The following ANKS1B variants were observed in gnomAD, a reference collection of about 807,000 sequenced individuals.
ANKS1B encodes the protein ankyrin repeat and sterile alpha motif domain containing 1B, also known as ankyrin repeat and sterile alpha motif domain-containing protein 1B.
In ANKS1B, 36 loss-of-function variants were observed where a neutral mutation model predicts 148.3. The observed-to-expected ratio is 0.24, with a 90% confidence interval of 0.19 to 0.32. The LOEUF (loss-of-function observed/expected upper bound fraction) is 0.32, where lower values mean the gene tolerates loss of function less well. Among genes scored for constraint, ANKS1B ranks in the 10% least tolerant of loss-of-function variants. The pLI is 1.00. For missense variants in ANKS1B, 1,157 were observed against 1,542.6 expected, an observed-to-expected ratio of 0.75 and a Z score of 4.19; for synonymous variants, 542 against 560.8, an observed-to-expected ratio of 0.97 and a Z score of 0.47.
intron 14 of ANKS1B, among the ~76,000 whole-genome samples, chr12:99,240,437 G>C (rs1412216688): frequency 6.6e-6 from 1 of 152,140 alleles, no homozygotes; most frequent in Non-Finnish European, 1.5e-5. Context: ...CCGACAAAGA[G>C]ACATAGACTC....
Position 99,232,643 on chromosome 12 carries a change from G to A in ANKS1B, c.2419+11699C>T, listed in dbSNP as rs2087071996. The stretch of plus-strand genomic sequence containing the variant: ...ATTTGAAGTAGTTCCAGTGAAGGTG[G>A]TAAATTTCCTAACTTGAAAGCACTT... On this transcript the variant is annotated intron_variant, in intron 14 of 26. Transcript: ENST00000683438. Among the ~76,000 whole-genome samples, 5 of 152,164 alleles carry A rather than the reference G, an allele frequency of 3.3e-5. No individual in the cohort carries two copies. The South Asian group carries it at 8.3e-4, about 25-fold the overall frequency.
Position 99,405,478 on chromosome 12 carries a change from A to G in ANKS1B, c.1576-5667T>C, listed in dbSNP as rs189159784. 9.3e-4 allele frequency among the ~76,000 whole-genome samples: 136 copies of G among 145,940 alleles called. 12 individuals carry two copies. Among genetic ancestry groups the G allele is most frequent in the Admixed American group, 4.8e-3 (70 of 14,678 alleles). On this transcript the variant is annotated intron_variant, in intron 11 of 26. Transcript: ENST00000683438. ...AGTGTTAAGTTGCCATCAGTTTAAA[A>G]TAATGGATTATAAAAAATTATTTGC...
chr12:99,376,088 T>C (rs73151129), intron 12 of ANKS1B, among the ~76,000 whole-genome samples: 1 of 152,190 alleles, frequency 6.6e-6, no homozygotes. Flanking sequence ...AACCATTCGC[T>C]GTTCAAAAAT....
At chr12:99,195,146 A>C (rs2081239845) in intron 14 of ANKS1B, among the ~76,000 whole-genome samples, 1 of 152,152 alleles carries the variant, frequency 6.6e-6, no homozygotes, top group African/African-American at 2.4e-5. Context: ...TTGGTTTCCT[A>C]GTTAGCTATG....
At chr12:99,037,128 T>G (rs2099956041) in intron 17 of ANKS1B, among the ~76,000 whole-genome samples, 1 of 152,222 alleles carries the variant, frequency 6.6e-6, no homozygotes, top group Admixed American at 6.5e-5. Context: ...TCAAAATGTC[T>G]CTGCAGTTTA....
intron 11 of ANKS1B, among the ~76,000 whole-genome samples, chr12:99,428,042 G>T (rs887443537): frequency 5.9e-5 from 9 of 152,126 alleles, no homozygotes. Context: ...CATGAAGGTA[G>T]GAAATCCTAA....
chr12:99,185,226 T>C (rs2079660400), intron 14 of ANKS1B, among the ~76,000 whole-genome samples: 1 of 152,114 alleles, frequency 6.6e-6, no homozygotes, highest in Non-Finnish European at 1.5e-5. Context: ...TTTAAAAATA[T>C]GTGTAAGAAA....
At chr12:98,854,678 C>A (rs1228405705) in intron 17 of ANKS1B, among the ~76,000 whole-genome samples, 1 of 152,262 alleles carries the variant, frequency 6.6e-6, no homozygotes, top group East Asian at 1.9e-4. Context: ...CTTTTAGGTG[C>A]CAGGAACGTA....
At chr12:98,769,221 A>G (rs2098536008) in intron 25 of ANKS1B, among the ~76,000 whole-genome samples, 1 of 100,730 alleles carries the variant, frequency 9.9e-6, no homozygotes, top group Non-Finnish European at 1.8e-5. Flanking sequence ...CAGGGGACTG[A>G]TTCATATCAA....
At chr12:99,264,859 T>G (rs2076283621) in intron 12 of ANKS1B, among the ~76,000 whole-genome samples, 2 of 152,110 alleles carry the variant, frequency 1.3e-5, no homozygotes, top group East Asian at 1.9e-4. Flanking sequence ...ATTGCACAAC[T>G]CTAGGGTCCT....
At chr12:99,286,530 G>C (rs1460405796) in intron 12 of ANKS1B, among the ~76,000 whole-genome samples, 1 of 152,128 alleles carries the variant, frequency 6.6e-6, no homozygotes, top group African/African-American at 2.4e-5. Context: ...GGAGAGGGAA[G>C]AGTAAAGGGG....
intron 1 of ANKS1B, among the ~76,000 whole-genome samples, chr12:99,914,593 G>A (rs2094111969): frequency 6.6e-6 from 1 of 152,060 alleles, no homozygotes; most frequent in Non-Finnish European, 1.5e-5. Context: ...ATACTATACT[G>A]AAATCAGGCC....
chr12:98,788,892 A>G (rs2098821955), intron 22 of ANKS1B, among the ~76,000 whole-genome samples: 1 of 152,242 alleles, frequency 6.6e-6, no homozygotes, highest in African/African-American at 2.4e-5. Flanking sequence ...ATTTCCAAAA[A>G]TCCTTAGTTA....
intron 12 of ANKS1B, among the ~76,000 whole-genome samples, chr12:99,270,417 A>G (rs73381155): frequency 5.7e-4 from 87 of 152,150 alleles, no homozygotes; most frequent in African/African-American, 2.1e-3. Context: ...ATTCCTATCT[A>G]ATGTATCATC....
chr12:99,725,681 C>T (rs2058550914), intron 8 of ANKS1B, among the ~76,000 whole-genome samples: 1 of 152,224 alleles, frequency 6.6e-6, no homozygotes, highest in African/African-American at 2.4e-5. Flanking sequence ...GAACCCTCCA[C>T]ACCAAATCAA....
intron 17 of ANKS1B, chr12:98,954,209 C>T (rs1350300728): frequency 6.6e-6 from 1 of 152,232 alleles, no homozygotes; most frequent in Non-Finnish European, 1.5e-5. Context: ...ATGTACTTAT[C>T]TGCACTCCTC....
chr12:98,848,559 ATTT>A (rs199611015), intron 17 of ANKS1B, among the ~76,000 whole-genome samples: 6 of 136,456 alleles, frequency 4.4e-5, no homozygotes, highest in Admixed American at 1.5e-4. Flanking sequence ...GTAATTTGTG[ATTT>A]TTTTTTTTTT....
intron 8 of ANKS1B, among the ~76,000 whole-genome samples, chr12:99,667,843 A>T (rs2098517086): frequency 6.6e-6 from 1 of 152,236 alleles, no homozygotes; most frequent in Non-Finnish European, 1.5e-5. Context: ...GTGGTAAAAT[A>T]TATTAATTGA....
intron 16 of ANKS1B, among the ~76,000 whole-genome samples, chr12:99,066,854 G>A (rs577993976): frequency 6.6e-6 from 1 of 152,200 alleles, no homozygotes; most frequent in Non-Finnish European, 1.5e-5. Flanking sequence ...GGTGGTTGCA[G>A]CTGTGTGTCA....
Sources: allele counts gnomAD v4.1 joint callset (sites outside exome capture counted in the v4.1 genomes callset), GRCh38; gene constraint gnomAD v4.1.1; transcripts MANE v1.5; gene names NCBI Gene and HGNC (gene_info 2026-07-23, HGNC 2026-07-21).